ADGRL3: variants seen among roughly 807,000 people sequenced by gnomAD.
ADGRL3 encodes adhesion G protein-coupled receptor L3, also known as calcium-independent alpha-latrotoxin receptor 3.
A neutral mutation model predicts 153.5 loss-of-function variants in ADGRL3; 62 were observed. The ratio of observed to expected loss-of-function variants is 0.40; its 90% CI spans 0.33 to 0.50. ADGRL3 has a LOEUF of 0.50. Ranked by LOEUF, ADGRL3 falls within the 20% of genes least tolerant of loss-of-function variation. The pLI, the probability that ADGRL3 is intolerant of heterozygous loss-of-function variation, is 0.47. For synonymous variants in ADGRL3, 710 were observed against 672.5 expected, an observed-to-expected ratio of 1.06 and a Z score of -0.86; for missense variants, 1,641 against 1,859.4, an observed-to-expected ratio of 0.88 and a Z score of 2.16.
At chr4:61,545,771 T>C (rs7660777) in intron 4 of ADGRL3, among the ~76,000 whole-genome samples, 13,917 of 152,194 alleles carry the variant, frequency 0.091, 2,082 homozygotes, top group African/African-American at 0.31. Flanking sequence ...TGCCTCGGCC[T>C]CCCAAAGTGC....
At chr4:61,750,810 A>AAAAAAAAAAAAAAAAAAG (rs746270309) in intron 8 of ADGRL3, among the ~76,000 whole-genome samples, 2 of 147,094 alleles carry the variant, frequency 1.4e-5, no homozygotes, top group African/African-American at 2.7e-5. Context: ...AAAAAAAAAA[A>AAAAAAAAAAAAAAAAAAG]AAGTCAAAGC....
chr4:61,739,156 A>T (rs2096553069), intron 8 of ADGRL3, among the ~76,000 whole-genome samples: 1 of 152,186 alleles, frequency 6.6e-6, no homozygotes, highest in African/African-American at 2.4e-5. Context: ...AAAATTTTAA[A>T]TAATATAGTT....
intron 23 of ADGRL3, among the ~76,000 whole-genome samples, chr4:62,032,957 A>T (rs1171929553): frequency 6.6e-6 from 1 of 151,730 alleles, no homozygotes; most frequent in Non-Finnish European, 1.5e-5. Context: ...GTTTTAAAAT[A>T]GATGAATCCT....
chr4:61,886,975 T>C (rs1015263856), intron 9 of ADGRL3, among the ~76,000 whole-genome samples: 58 of 151,832 alleles, frequency 3.8e-4, no homozygotes, highest in Non-Finnish European at 5.7e-4. Context: ...ACTGATATCA[T>C]CAGTGAGACT....
chr4:61,531,763 A>G (rs1389949158), intron 4 of ADGRL3, among the ~76,000 whole-genome samples: 1 of 152,068 alleles, frequency 6.6e-6, no homozygotes, highest in Non-Finnish European at 1.5e-5. Flanking sequence ...TGTACTCTAA[A>G]TTTCTAATAG....
rs550491585 is a variant in ADGRL3, at chr4:61,608,879, G to A, written c.473+21439G>A. On this transcript the variant is annotated intron_variant, in intron 5 of 26. Coordinates refer to ENST00000683033, the MANE Select transcript of ADGRL3 (RefSeq NM_001387552.1). ...AGTCAAATCATGTGGCAGTGTTCTT[G>A]AAACAAGCTTATAATCTTCTTTTGG... 4.7e-3 allele frequency among the ~76,000 whole-genome samples: 712 copies of A among 152,314 alleles called. 7 individuals carry two copies. The highest frequency in any genetic ancestry group is 7.2e-3 in the Non-Finnish European group (491 of 67,998).
In ADGRL3 at chr4:62,078,325, G is replaced by A. The variant is rs769017408; in HGVS notation, c.*7417G>A. On this transcript the variant is annotated 3_prime_UTR_variant, in exon 27 of 27. Coordinates refer to ENST00000683033, the MANE Select transcript of ADGRL3 (RefSeq NM_001387552.1). ...GCTACAAACCTCAATAAAAATATCAGTAAACAAGAAGTGATGTAGTTACTG... is the reference window on the plus strand; with the variant it reads ...GCTACAAACCTCAATAAAAATATCAATAAACAAGAAGTGATGTAGTTACTG... The A allele has an allele frequency of 2.0e-5, 3 of 151,356 alleles. No homozygotes were observed. The highest frequency in any genetic ancestry group is 2.4e-5 in the African/African-American group (1 of 41,226). 9.4% of individuals were successfully genotyped at this position (151,356 alleles called of 1,614,324 possible). A position where few individuals can be genotyped will look rare whatever the true frequency, so the allele number is the denominator to read the frequency against.
chr4:61,248,749 C>T (rs1353666798), intron 1 of ADGRL3, among the ~76,000 whole-genome samples: 1 of 152,098 alleles, frequency 6.6e-6, no homozygotes, highest in African/African-American at 2.4e-5. Flanking sequence ...AATTATTTCT[C>T]CTTGAAATGT....
At chr4:61,995,800 G>A (rs1486522789) in intron 19 of ADGRL3, among the ~76,000 whole-genome samples, 2 of 152,078 alleles carry the variant, frequency 1.3e-5, no homozygotes, top group Admixed American at 6.5e-5. Context: ...AATCTCAAAG[G>A]TTGGCTGCCC....
At chr4:61,670,326 T>C (rs2094947799) in intron 5 of ADGRL3, among the ~76,000 whole-genome samples, 1 of 152,122 alleles carries the variant, frequency 6.6e-6, no homozygotes, top group Admixed American at 6.5e-5. Flanking sequence ...AATGATACCA[T>C]GTTAGATCTA....
chr4:61,284,498 T>C (rs2093853355), intron 1 of ADGRL3, among the ~76,000 whole-genome samples: 1 of 151,894 alleles, frequency 6.6e-6, no homozygotes. Flanking sequence ...ATATGACAAA[T>C]TTAGATAAAA....
intron 1 of ADGRL3, among the ~76,000 whole-genome samples, chr4:61,358,254 A>G (rs1340524767): frequency 1.3e-5 from 2 of 152,160 alleles, no homozygotes; most frequent in African/African-American, 4.8e-5. Flanking sequence ...TGTAAGTTGT[A>G]TCATGTTATT....
intron 4 of ADGRL3, among the ~76,000 whole-genome samples, chr4:61,572,659 T>C (rs2098843920): frequency 6.6e-6 from 1 of 152,046 alleles, no homozygotes; most frequent in Admixed American, 6.6e-5. Flanking sequence ...GTGGGATTTA[T>C]TGCAATGTGG....
intron 11 of ADGRL3, among the ~76,000 whole-genome samples, chr4:61,896,213 C>T (rs2098630657): frequency 6.6e-6 from 1 of 152,128 alleles, no homozygotes; most frequent in Admixed American, 6.5e-5. Flanking sequence ...CTTAAGCCAT[C>T]TGATAAATGT....
Position 62,037,801 on chromosome 4 carries a change from G to A in ADGRL3, c.3662G>A (p.Gly1221Asp), listed in dbSNP as rs780424914. The change falls in exon 24 of 27, where the codon GGT (glycine) becomes GAT (aspartate). Residue 1221 changes from glycine to aspartate, a missense_variant. By Grantham distance (94) the Gly-to-Asp change is moderately conservative (BLOSUM62 -1). Coordinates refer to ENST00000683033, the MANE Select transcript of ADGRL3 (RefSeq NM_001387552.1). ...GGCAAAAGTACAGAGAGTTCCATTG[G>A]TTCAGGGAAAACATCTGGTTCTCGA... Reference protein sequence around the residue: ...CSGKSTESSIGSGKTSGSRTP... With the variant: ...CSGKSTESSIDSGKTSGSRTP... The A allele has an allele frequency of 6.2e-7, 1 of 1,613,582 alleles. No homozygotes were observed. Among genetic ancestry groups the A allele is most frequent in the African/African-American group, 1.3e-5 (1 of 74,888 alleles).
In ADGRL3 at chr4:61,973,342, T is replaced by C. The variant is rs1363187049; in HGVS notation, c.2806-6221T>C. Among the ~76,000 whole-genome samples the C allele has an allele frequency of 2.0e-5, 3 of 152,106 alleles. No individual in the cohort carries two copies. In the East Asian group the frequency reaches 5.8e-4, roughly 29 times the overall value. ...ACTTTCACAAGTGACATTCATTGTGTAAGCCGTCCTTTCCTCCCATCACTC... is the reference window on the plus strand; with the variant it reads ...ACTTTCACAAGTGACATTCATTGTGCAAGCCGTCCTTTCCTCCCATCACTC... On this transcript the variant is annotated intron_variant, in intron 17 of 26. Transcript: ENST00000683033.
intron 5 of ADGRL3, among the ~76,000 whole-genome samples, chr4:61,618,257 T>C (rs1209468155): frequency 2.0e-5 from 3 of 152,222 alleles, no homozygotes; most frequent in Admixed American, 6.5e-5. Flanking sequence ...AGGAAAACTA[T>C]GTTTTATCTT....
At chr4:61,301,279 T>C (rs1196530773) in intron 1 of ADGRL3, among the ~76,000 whole-genome samples, 1 of 152,226 alleles carries the variant, frequency 6.6e-6, no homozygotes, top group Non-Finnish European at 1.5e-5. Flanking sequence ...TCATTTTCCA[T>C]TTTTATCGGC....
intron 9 of ADGRL3, among the ~76,000 whole-genome samples, chr4:61,818,395 A>G (rs2097712273): frequency 6.6e-6 from 1 of 152,206 alleles, no homozygotes; most frequent in Non-Finnish European, 1.5e-5. Flanking sequence ...TGCAGGGCAC[A>G]GCCCTTTATG....
Sources: gnomAD v4.1 joint callset for allele counts (sites outside exome capture counted in the v4.1 genomes callset) on GRCh38, gnomAD v4.1.1 for gene constraint, MANE v1.5 for transcripts, NCBI Gene and HGNC (gene_info 2026-07-23, HGNC 2026-07-21) for gene names.